Variants in CPLX1 observed in about 807,000 individuals in gnomAD.
The protein encoded by CPLX1 is complexin 1, also known as complexin-1.
Under a neutral mutation model 15.6 loss-of-function variants are expected in CPLX1, and 6 were observed. That is an observed-to-expected ratio of 0.39 (90% confidence interval 0.21 to 0.76). The LOEUF (loss-of-function observed/expected upper bound fraction) is 0.76, where lower values mean the gene tolerates loss of function less well. Ranked by LOEUF, CPLX1 falls within the 30% of genes least tolerant of loss-of-function variation. CPLX1 has a pLI of 0.43. For synonymous variants in CPLX1, 91 were observed against 75.2 expected (o/e 1.21, Z -1.08); for missense variants, 242 against 188.6 (o/e 1.28, Z -1.66).
chr4:822,847 C>T (rs1746897833), intron 2 of CPLX1, among the ~76,000 whole-genome samples: 1 of 139,508 alleles, frequency 7.2e-6, no homozygotes, highest in African/African-American at 2.7e-5. Context: ...CCAGCTCCCG[C>T]CCTCAGCAGC....
In CPLX1 at chr4:786,405, C is replaced by T; in HGVS notation, c.*96G>A. ...GGCCTGGGGCTATGGCTTATATCGG[C>T]GTGGGGGCTGCGCTCTGCTCGTCCC... is the stretch of plus-strand genomic sequence containing the variant. On this transcript the variant is annotated 3_prime_UTR_variant, in exon 4 of 4. Transcript: ENST00000304062. 2.9e-6 allele frequency: 4 copies of T among 1,362,546 alleles called. No homozygotes were observed. In the South Asian group the frequency reaches 6.0e-5, roughly 20 times the overall value. 84.4% of individuals were successfully genotyped at this position (1,362,546 alleles called of 1,614,324 possible).
chr4:808,591 C>A (rs887362768), intron 2 of CPLX1, among the ~76,000 whole-genome samples: 1 of 152,180 alleles, frequency 6.6e-6, no homozygotes, highest in Admixed American at 6.5e-5. Flanking sequence ...AAAGAGTCAG[C>A]GGTTCAGGAG....
intron 2 of CPLX1, among the ~76,000 whole-genome samples, chr4:822,829 G>A (rs1174776356): frequency 6.6e-6 from 1 of 151,356 alleles, no homozygotes; most frequent in Non-Finnish European, 1.5e-5. Context: ...TCGACTGGAA[G>A]CCCCCCACCA....
At chr4:824,464 C>T in intron 2 of CPLX1, 28 bp downstream of exon 2, 1 of 1,604,910 alleles carries the variant, frequency 6.2e-7, no homozygotes, top group African/African-American at 1.3e-5. Flanking sequence ...CCCCTCAGCC[C>T]CTCCCCACCC....
chr4:786,334 G>A lies in CPLX1; in HGVS notation c.*167C>T, dbSNP rs910509384. 5.0e-6 allele frequency: 3 copies of A among 603,832 alleles called. No homozygotes were observed. The highest frequency in any genetic ancestry group is 7.8e-6 in the Non-Finnish European group (3 of 383,808). 37.4% of individuals were successfully genotyped at this position (603,832 alleles called of 1,614,324 possible). On this transcript the variant is annotated 3_prime_UTR_variant, in exon 4 of 4. Coordinates refer to ENST00000304062, the MANE Select transcript of CPLX1 (RefSeq NM_006651.4). ...GGCGGACTGGGGGGGTCCTGGGGGC[G>A]CGCGCCCCTTGCCGGGTGAGGGAGG...
intron 2 of CPLX1, among the ~76,000 whole-genome samples, chr4:796,733 G>A (rs1478185879): frequency 6.6e-6 from 1 of 152,182 alleles, no homozygotes; most frequent in African/African-American, 2.4e-5. Context: ...ACGTAAAGAC[G>A]TCCATCCTCC....
In CPLX1 at chr4:813,404, T is replaced by C. The variant is rs977545498; in HGVS notation, c.31+11088A>G. On this transcript the variant is annotated intron_variant, in intron 2 of 3. Transcript: ENST00000304062. Reference sequence around the variant, plus strand: ...CACGGATGGGCTCTGCAGAGGGAGATGCTGCTGAGAAGCTGACCAGCCGGG... The same window carrying C: ...CACGGATGGGCTCTGCAGAGGGAGACGCTGCTGAGAAGCTGACCAGCCGGG... 1.1e-4 allele frequency among the ~76,000 whole-genome samples: 17 copies of C among 151,920 alleles called. No homozygotes were observed. The South Asian group carries it at 3.1e-3, about 28-fold the overall frequency.
intron 2 of CPLX1, among the ~76,000 whole-genome samples, chr4:797,671 C>A (rs1004689836): frequency 2.6e-5 from 4 of 151,292 alleles, no homozygotes; most frequent in Non-Finnish European, 5.9e-5. Context: ...CGGTGGCTCA[C>A]GCCTGTAATC....
At chr4:793,271 G>T (rs972613059) in intron 2 of CPLX1, among the ~76,000 whole-genome samples, 1 of 152,068 alleles carries the variant, frequency 6.6e-6, no homozygotes, top group African/African-American at 2.4e-5. Flanking sequence ...GCAGAAGCTG[G>T]CATGGGGGCT....
chr4:794,136 C>T (rs1268500511), intron 2 of CPLX1, among the ~76,000 whole-genome samples: 1 of 152,238 alleles, frequency 6.6e-6, no homozygotes, highest in African/African-American at 2.4e-5. Context: ...CGAGGGTGGG[C>T]AGGAGCTGTC....
At chr4:788,287 G>A (rs547750032) in intron 3 of CPLX1, 23 of 985,166 alleles carry the variant, frequency 2.3e-5, no homozygotes, top group Non-Finnish European at 2.5e-5. Context: ...CAACCCCACC[G>A]AGGGCAGTCT....
chr4:795,070 C>T (rs983133569), intron 2 of CPLX1, among the ~76,000 whole-genome samples: 4 of 152,234 alleles, frequency 2.6e-5, no homozygotes, highest in Admixed American at 2.0e-4. Context: ...GCTGCAAAGC[C>T]ACTAGGCTCA....
chr4:807,771 A>G (rs1746584736), intron 2 of CPLX1, among the ~76,000 whole-genome samples: 1 of 152,190 alleles, frequency 6.6e-6, no homozygotes, highest in Admixed American at 6.5e-5. Flanking sequence ...GGCGTGAGCC[A>G]CCTTGCCTGG....
chr4:802,610 A>C (rs1746479357), intron 2 of CPLX1, among the ~76,000 whole-genome samples: 1 of 152,240 alleles, frequency 6.6e-6, no homozygotes, highest in Admixed American at 6.5e-5. Context: ...ACAAGGACGT[A>C]AGTAACCCTT....
intron 2 of CPLX1, among the ~76,000 whole-genome samples, chr4:795,520 G>T (rs1305716281): frequency 1.3e-5 from 2 of 152,204 alleles, no homozygotes; most frequent in African/African-American, 4.8e-5. Context: ...ATTGCAGGGG[G>T]GTCGGATCCG....
At chr4:820,871 T>C (rs557529367) in intron 2 of CPLX1, among the ~76,000 whole-genome samples, 54 of 152,216 alleles carry the variant, frequency 3.5e-4, no homozygotes, top group Non-Finnish European at 5.9e-4. Context: ...CCTTGGGTTG[T>C]TCCTGCCGAG....
intron 2 of CPLX1, among the ~76,000 whole-genome samples, chr4:812,901 G>T (rs539028463): frequency 1.3e-5 from 2 of 152,264 alleles, no homozygotes; most frequent in Admixed American, 6.5e-5. Flanking sequence ...ACTGAGTTTT[G>T]TTTAAACATG....
intron 2 of CPLX1, among the ~76,000 whole-genome samples, chr4:808,311 A>G (rs1455059100): frequency 1.3e-5 from 2 of 152,162 alleles, no homozygotes; most frequent in East Asian, 1.9e-4. Flanking sequence ...CATCTCTCTA[A>G]CAACAAACGA....
At chr4:795,262 T>C (rs1341848548) in intron 2 of CPLX1, among the ~76,000 whole-genome samples, 1 of 152,156 alleles carries the variant, frequency 6.6e-6, no homozygotes, top group Non-Finnish European at 1.5e-5. Context: ...CAAAGTGCCA[T>C]TTGCTCTCCC....
Sources: gnomAD v4.1 joint callset for allele counts (sites outside exome capture counted in the v4.1 genomes callset) on GRCh38, gnomAD v4.1.1 for gene constraint, MANE v1.5 for transcripts, NCBI Gene and HGNC (gene_info 2026-07-23, HGNC 2026-07-21) for gene names.